Variants in CTXND1 observed in about 807,000 individuals in gnomAD.
CTXND1 encodes the protein cortexin domain-containing 1 protein.
At chr15:80,227,803 C>G (rs1048822609) in intron 1 of CTXND1, among the ~76,000 whole-genome samples, 8 of 152,334 alleles carry the variant, frequency 5.3e-5, no homozygotes, top group Middle Eastern at 3.4e-3. Context: ...ACTAACTAAT[C>G]AGGGTGGCGG....
intron 1 of CTXND1, among the ~76,000 whole-genome samples, chr15:80,228,805 T>C (rs1214272389): frequency 1.3e-5 from 2 of 151,868 alleles, no homozygotes; most frequent in Admixed American, 1.3e-4. Context: ...ATTTTTGTAT[T>C]TTTAGTTAGA....
intron 1 of CTXND1, among the ~76,000 whole-genome samples, chr15:80,231,005 C>T (rs751701693): frequency 6.6e-6 from 1 of 151,882 alleles, no homozygotes; most frequent in African/African-American, 2.4e-5. Context: ...TTGCAGTGAG[C>T]TGAGATGGTG....
chr15:80,245,283 A>C (rs750367), intron 1 of CTXND1, among the ~76,000 whole-genome samples: 77,728 of 152,026 alleles, frequency 0.51, 20,068 homozygotes, highest in East Asian at 0.57. Flanking sequence ...AGGCACCTTG[A>C]CAGTAGCAAG....
intron 1 of CTXND1, among the ~76,000 whole-genome samples, chr15:80,234,187 T>C (rs1332521748): frequency 6.6e-6 from 1 of 152,172 alleles, no homozygotes; most frequent in Non-Finnish European, 1.5e-5. Context: ...CTTCAATGCA[T>C]CTACAAACTT....
intron 1 of CTXND1, among the ~76,000 whole-genome samples, chr15:80,210,373 A>G (rs187563531): frequency 2.1e-4 from 32 of 152,326 alleles, no homozygotes; most frequent in Non-Finnish European, 1.5e-5. Context: ...TCCACCTTCA[A>G]TCTGCTTTAT....
chr15:80,213,325 G>A (rs922794560), intron 1 of CTXND1, among the ~76,000 whole-genome samples: 2 of 152,212 alleles, frequency 1.3e-5, no homozygotes, highest in Non-Finnish European at 2.9e-5. Context: ...AGTGGCCAAT[G>A]GTAGGTTGAA....
In CTXND1 at chr15:80,196,078, G is replaced by C. The variant is rs2041418712; in HGVS notation, c.*5692C>G. The C allele has an allele frequency of 6.6e-6, 1 of 152,146 alleles. No homozygotes were observed. Among genetic ancestry groups the C allele is most frequent in the East Asian group, 1.9e-4 (1 of 5,188 alleles). 9.4% of individuals were successfully genotyped at this position (152,146 alleles called of 1,614,324 possible). ...AGGAGTACTAGCTTTGGAACCCTGG[G>C]ATTCGCTAGGGCACTTGGTACTCCC... is the stretch of plus-strand genomic sequence containing the variant. On this transcript the variant is annotated 3_prime_UTR_variant, in exon 3 of 3. Transcript: ENST00000560778.
At chr15:80,202,668 A>G (rs1308623299) in intron 2 of CTXND1, among the ~76,000 whole-genome samples, 2 of 152,238 alleles carry the variant, frequency 1.3e-5, no homozygotes, top group Non-Finnish European at 2.9e-5. Context: ...TATTGTGGAA[A>G]ACCACAGAGG....
At chr15:80,223,895 T>G (rs1398209950) in intron 1 of CTXND1, among the ~76,000 whole-genome samples, 1 of 152,034 alleles carries the variant, frequency 6.6e-6, no homozygotes, top group Non-Finnish European at 1.5e-5. Context: ...CCACAAATAC[T>G]TTGAAGAGGT....
rs1350447244 is a variant in CTXND1 at position 80,201,910 on chromosome 15, C to A, written c.40G>T (p.Asp14Tyr). The A allele has an allele frequency of 5.0e-6, 2 of 398,826 alleles. No homozygotes were observed. Among genetic ancestry groups the A allele is most frequent in the East Asian group, 7.1e-5 (2 of 28,088 alleles). The allele number at this position is 398,826 out of a possible 1,614,324, so 24.7% of individuals were successfully genotyped here. A position where few individuals can be genotyped will look rare whatever the true frequency, so the allele number is the denominator to read the frequency against. The change falls in exon 3 of 3, where the codon GAC becomes TAC. Residue 14 changes from aspartate (D) to tyrosine (Y), a missense_variant. Transcript: ENST00000560778. ...PTPEPVYVDV[D>Y]KGLTLACFVF... ...AAGCAGGCCAAGGTCAGCCCTTTGTCTACGTCGACATAGACGGGCTCGGGC... is the reference window on the plus strand; with the variant it reads ...AAGCAGGCCAAGGTCAGCCCTTTGTATACGTCGACATAGACGGGCTCGGGC...
At chr15:80,251,944 T>A (rs1016250490) in intron 1 of CTXND1, 63 bp downstream of exon 1, 5 of 151,708 alleles carry the variant, frequency 3.3e-5, no homozygotes, top group African/African-American at 4.8e-5. Flanking sequence ...GCACCGACAA[T>A]GCTGTGCTCC....
chr15:80,250,817 T>A (rs1362987573), intron 1 of CTXND1, among the ~76,000 whole-genome samples: 1 of 152,222 alleles, frequency 6.6e-6, no homozygotes, highest in South Asian at 2.1e-4. Flanking sequence ...CTTTATGAGG[T>A]CTTACACACA....
rs1257200274 is a variant in CTXND1, at chr15:80,195,731, C to T, written c.*6039G>A. On this transcript the variant is annotated 3_prime_UTR_variant, in exon 3 of 3. Coordinates refer to ENST00000560778, the MANE Select transcript of CTXND1 (RefSeq NM_001352888.2). ...TCTCATTGGGCCCCAGATCTCAACA[C>T]TGTTGCAATGGGAATCAAGTTTCCA... The T allele has an allele frequency of 6.6e-6, 1 of 152,264 alleles. No individual in the cohort carries two copies. The highest frequency in any genetic ancestry group is 2.1e-4 in the South Asian group (1 of 4,830). 9.4% of individuals were successfully genotyped at this position (152,264 alleles called of 1,614,324 possible). A position where few individuals can be genotyped will look rare whatever the true frequency, so the allele number is the denominator to read the frequency against.
At chr15:80,216,603 T>TTTTA (rs35519515) in intron 1 of CTXND1, among the ~76,000 whole-genome samples, 63,360 of 150,524 alleles carry the variant, frequency 0.42, 13,824 homozygotes, top group Middle Eastern at 0.55. Flanking sequence ...CCTTCCATTA[T>TTTTA]TTTATTTATT....
intron 1 of CTXND1, among the ~76,000 whole-genome samples, chr15:80,221,441 G>T (rs563996847): frequency 6.6e-6 from 1 of 152,006 alleles, no homozygotes; most frequent in African/African-American, 2.4e-5. Flanking sequence ...GTTTGGACTC[G>T]ACATGGTGGC....
chr15:80,208,828 C>T (rs1463021915), intron 1 of CTXND1, among the ~76,000 whole-genome samples: 1 of 152,194 alleles, frequency 6.6e-6, no homozygotes, highest in Non-Finnish European at 1.5e-5. Flanking sequence ...AGAGCAATAA[C>T]ACAGCAGAAT....
intron 1 of CTXND1, among the ~76,000 whole-genome samples, chr15:80,221,123 A>T (rs568818624): frequency 6.6e-6 from 1 of 151,916 alleles, no homozygotes; most frequent in East Asian, 1.9e-4. Context: ...GTTAGCCAGG[A>T]TGGTTTCGAT....
In CTXND1 at chr15:80,198,160, G is replaced by A. The variant is rs1290859063; in HGVS notation, c.*3610C>T. 1 of 152,138 alleles carries A rather than the reference G, an allele frequency of 6.6e-6. No individual in the cohort carries two copies. Among genetic ancestry groups the A allele is most frequent in the Middle Eastern group, 3.2e-3 (1 of 314 alleles). 9.4% of individuals were successfully genotyped at this position (152,138 alleles called of 1,614,324 possible). ...ATTTCCCTAAGTGACCCACCACCGA[G>A]GTGTCTTCATTGTCCCAAAGACCAC... On this transcript the variant is annotated 3_prime_UTR_variant, in exon 3 of 3. Coordinates refer to ENST00000560778, the MANE Select transcript of CTXND1 (RefSeq NM_001352888.2).
intron 1 of CTXND1, among the ~76,000 whole-genome samples, chr15:80,204,169 AAT>A (rs1282033532): frequency 0.011 from 712 of 65,012 alleles, 12 homozygotes; most frequent in African/African-American, 0.013. Flanking sequence ...AAAAAAAAAA[AAT>A]ATATATATAT....
Sources: allele counts gnomAD v4.1 joint callset (sites outside exome capture counted in the v4.1 genomes callset), GRCh38; gene constraint gnomAD v4.1.1; transcripts MANE v1.5; gene names NCBI Gene and HGNC (gene_info 2026-07-23, HGNC 2026-07-21).